GFRA1: variants seen among roughly 807,000 people sequenced by gnomAD.
GFRA1 encodes the protein GDNF family receptor alpha 1, also known as GDNF family receptor alpha-1.
In GFRA1, 16 loss-of-function variants were observed where a neutral mutation model predicts 51.6. That is an observed-to-expected ratio of 0.31 (90% CI 0.21 to 0.47). The LOEUF (loss-of-function observed/expected upper bound fraction) is 0.47. GFRA1 is among the 20% of genes least tolerant of loss of function. The pLI is 1.00. For missense variants in GFRA1, 530 were observed against 594.3 expected (o/e 0.89, Z 1.13); for synonymous variants, 270 against 241.3 (o/e 1.12, Z -1.10).
intron 4 of GFRA1, among the ~76,000 whole-genome samples, chr10:116,261,315 TATC>T (rs1175620708): frequency 6.6e-6 from 1 of 152,240 alleles, no homozygotes; most frequent in Non-Finnish European, 1.5e-5. Context: ...TCTGCTTTCT[TATC>T]AGTCAAATAC....
intron 5 of GFRA1, among the ~76,000 whole-genome samples, chr10:116,181,319 C>G (rs894296621): frequency 3.9e-5 from 6 of 152,112 alleles, no homozygotes; most frequent in African/African-American, 1.4e-4. Flanking sequence ...AGGTGCTCAG[C>G]CTCTGGCCCA....
chr10:116,189,426 T>C (rs1963049312), intron 5 of GFRA1, among the ~76,000 whole-genome samples: 1 of 152,136 alleles, frequency 6.6e-6, no homozygotes, highest in South Asian at 2.1e-4. Flanking sequence ...TTCCCAAATG[T>C]CTTAGAGAAG....
rs578174507 is a variant in GFRA1, at chr10:116,060,157, C to G, written c.*4241G>C. On this transcript the variant is annotated 3_prime_UTR_variant, in exon 11 of 11. Coordinates refer to ENST00000355422, the MANE Select transcript of GFRA1 (RefSeq NM_005264.8). ...GAATCTTTTTCAGAGGTCCAGCCCC[C>G]ACAAAGAATTCTAGACAACAGACTT... is the stretch of plus-strand genomic sequence containing the variant. 1 of 152,202 alleles carries G rather than the reference C, an allele frequency of 6.6e-6. No individual in the cohort carries two copies. The highest frequency in any genetic ancestry group is 2.1e-4 in the South Asian group (1 of 4,820). The allele number at this position is 152,202 out of a possible 1,614,324, so 9.4% of individuals were successfully genotyped here.
chr10:116,181,447 A>G (rs748012750), intron 5 of GFRA1, among the ~76,000 whole-genome samples: 1 of 152,340 alleles, frequency 6.6e-6, no homozygotes, highest in African/African-American at 2.4e-5. Context: ...AGGAAGGCCC[A>G]GCTCTGCCAT....
chr10:116,236,640 G>A (rs1281959106), intron 4 of GFRA1, among the ~76,000 whole-genome samples: 1 of 152,140 alleles, frequency 6.6e-6, no homozygotes, highest in African/African-American at 2.4e-5. Flanking sequence ...GAGGGAAGGG[G>A]TAACTGTTAG....
intron 9 of GFRA1, among the ~76,000 whole-genome samples, chr10:116,084,163 G>T (rs1259248429): frequency 6.6e-6 from 1 of 152,206 alleles, no homozygotes; most frequent in African/African-American, 2.4e-5. Context: ...CTGATGGCCA[G>T]AGAAGACCAG....
At chr10:116,238,849 G>C (rs1967119034) in intron 4 of GFRA1, among the ~76,000 whole-genome samples, 1 of 151,926 alleles carries the variant, frequency 6.6e-6, no homozygotes, top group African/African-American at 2.4e-5. Context: ...TGTAATTTTT[G>C]CCCACGTTGA....
At chr10:116,089,527 GTAAACGACAGAGTCA>G (rs1956239209) in intron 9 of GFRA1, among the ~76,000 whole-genome samples, 199 bp downstream of exon 9, 1 of 152,136 alleles carries the variant, frequency 6.6e-6, no homozygotes, top group Non-Finnish European at 1.5e-5. Flanking sequence ...CACACTCCCA[GTAAACGACAGAGTCA>G]GTTCCATAGT....
rs1954876094 is a variant in GFRA1, at chr10:116,062,668, C to T, written c.*1730G>A. 6.6e-6 allele frequency: 1 copy of T among 152,232 alleles called. No individual in the cohort carries two copies. Among genetic ancestry groups the T allele is most frequent in the African/African-American group, 2.4e-5 (1 of 41,432 alleles). 9.4% of individuals were successfully genotyped at this position (152,232 alleles called of 1,614,324 possible). A position where few individuals can be genotyped will look rare whatever the true frequency, so the allele number is the denominator to read the frequency against. Reference sequence around the variant, plus strand: ...TACCAATGTGGGAAGAAAGCCAATGCTTCCCAGCACTTTCTGAAGGTGGAA... The same window carrying T: ...TACCAATGTGGGAAGAAAGCCAATGTTTCCCAGCACTTTCTGAAGGTGGAA... On this transcript the variant is annotated 3_prime_UTR_variant, in exon 11 of 11. Transcript: ENST00000355422.
At chr10:116,185,845 C>G (rs185839924) in intron 5 of GFRA1, among the ~76,000 whole-genome samples, 3 of 152,308 alleles carry the variant, frequency 2.0e-5, no homozygotes, top group African/African-American at 7.2e-5. Flanking sequence ...ATTATTGTCG[C>G]TGTTTTAATT....
chr10:116,096,471 ATTTTTTTCTTCTTT>A (rs1956580494), intron 7 of GFRA1, among the ~76,000 whole-genome samples, 170 bp downstream of exon 7: 1 of 137,664 alleles, frequency 7.3e-6, no homozygotes, highest in African/African-American at 2.7e-5. Flanking sequence ...CCATTATCCC[ATTTTTTTCTTCTTT>A]TTTTTTTCTT....
intron 5 of GFRA1, among the ~76,000 whole-genome samples, chr10:116,194,046 AAAAATAAATAAATAAAATTT>A (rs1356324937): frequency 0.01 from 1,127 of 112,658 alleles, 32 homozygotes; most frequent in African/African-American, 0.038. Context: ...CTCAATAAAA[AAAAATAAATAAATAAAATTT>A]AAAAAAAAAA....
intron 2 of GFRA1, among the ~76,000 whole-genome samples, chr10:116,271,476 C>A (rs545484754): frequency 2.6e-5 from 4 of 152,116 alleles, no homozygotes; most frequent in African/African-American, 9.7e-5. Flanking sequence ...GCCACCCGCT[C>A]CGCCCGGCTG....
intron 9 of GFRA1, among the ~76,000 whole-genome samples, chr10:116,065,964 C>G (rs1464284722): frequency 6.6e-6 from 1 of 152,208 alleles, no homozygotes; most frequent in Non-Finnish European, 1.5e-5. Flanking sequence ...CATTTCAAAG[C>G]CAAGTGGCTC....
intron 5 of GFRA1, among the ~76,000 whole-genome samples, chr10:116,156,282 G>A (rs939232133): frequency 1.3e-5 from 2 of 152,332 alleles, no homozygotes; most frequent in African/African-American, 4.8e-5. Flanking sequence ...TCAAAAGGAG[G>A]AAATGACAGG....
intron 5 of GFRA1, among the ~76,000 whole-genome samples, chr10:116,181,793 G>A (rs539715823): frequency 1.4e-4 from 22 of 152,124 alleles, no homozygotes; most frequent in Admixed American, 7.9e-4. Flanking sequence ...GCCCGCGCCC[G>A]CTACTATGCC....
chr10:116,146,427 A>T (rs1958804675), intron 5 of GFRA1, among the ~76,000 whole-genome samples: 1 of 152,226 alleles, frequency 6.6e-6, no homozygotes, highest in Non-Finnish European at 1.5e-5. Context: ...TAATGATTTG[A>T]TTTATTATTT....
intron 7 of GFRA1, among the ~76,000 whole-genome samples, chr10:116,094,160 T>G (rs1448380338): frequency 1.3e-5 from 2 of 152,264 alleles, no homozygotes; most frequent in East Asian, 1.9e-4. Flanking sequence ...TCCCTTGCAT[T>G]TTCTTGAAAA....
intron 5 of GFRA1, among the ~76,000 whole-genome samples, chr10:116,204,473 C>T (rs571100177): frequency 6.6e-6 from 1 of 152,290 alleles, no homozygotes; most frequent in East Asian, 1.9e-4. Context: ...TATCATTCTT[C>T]AATGATCAGA....
Sources: gnomAD v4.1 joint callset for allele counts (sites outside exome capture counted in the v4.1 genomes callset) on GRCh38, gnomAD v4.1.1 for gene constraint, MANE v1.5 for transcripts, NCBI Gene and HGNC (gene_info 2026-07-23, HGNC 2026-07-21) for gene names.